Variants in PTPRS observed in about 807,000 individuals in gnomAD.
PTPRS encodes the protein receptor-type tyrosine-protein phosphatase S.
A neutral mutation model predicts 215.3 loss-of-function variants in PTPRS; 63 were observed. The observed-to-expected ratio is 0.29, with a 90% CI of 0.24 to 0.36. PTPRS has a LOEUF of 0.36. Ranked by LOEUF, PTPRS falls within the 10% of genes least tolerant of loss-of-function variation. PTPRS has a pLI of 1.00. For synonymous variants in PTPRS, 1,404 were observed against 1,191.4 expected, an observed-to-expected ratio of 1.18 and a Z score of -3.68; for missense variants, 2,258 against 2,825.8, an observed-to-expected ratio of 0.80 and a Z score of 4.56.
At chr19:5,282,113 G>A (rs1449242150) in intron 2 of PTPRS, among the ~76,000 whole-genome samples, 1 of 151,958 alleles carries the variant, frequency 6.6e-6, no homozygotes, top group African/African-American at 2.4e-5. Context: ...TGGTTCCCTG[G>A]GACCTCAGAC....
chr19:5,273,382 T>G, intron 4 of PTPRS, 60 bp downstream of exon 4: 1 of 1,611,156 alleles, frequency 6.2e-7, no homozygotes, highest in South Asian at 1.1e-5. Context: ...ATTCCTTTTG[T>G]GCTTGTCCCC....
At chr19:5,232,011 AG>A (rs1207348480) in intron 13 of PTPRS, among the ~76,000 whole-genome samples, 2 of 152,228 alleles carry the variant, frequency 1.3e-5, no homozygotes, top group African/African-American at 4.8e-5. Flanking sequence ...TAGCAACAGG[AG>A]CTCCATTTAT....
intron 1 of PTPRS, among the ~76,000 whole-genome samples, chr19:5,292,319 C>G (rs373562597): frequency 9.9e-5 from 15 of 152,152 alleles, no homozygotes; most frequent in Non-Finnish European, 1.5e-4. Context: ...GAGACCGAGA[C>G]GGGGACAGCC....
chr19:5,322,599 G>A (rs932504160), intron 1 of PTPRS, among the ~76,000 whole-genome samples: 8 of 152,130 alleles, frequency 5.3e-5, no homozygotes, highest in Non-Finnish European at 8.8e-5. Context: ...GACCTCAGGC[G>A]GCCGGGCGCG....
At chr19:5,249,235 C>T (rs1489460737) in intron 9 of PTPRS, among the ~76,000 whole-genome samples, 1 of 152,136 alleles carries the variant, frequency 6.6e-6, no homozygotes, top group Non-Finnish European at 1.5e-5. Flanking sequence ...TGCCGGAACC[C>T]GGGAGGCAGA....
chr19:5,336,275 G>C (rs771233074), intron 1 of PTPRS, among the ~76,000 whole-genome samples: 1 of 115,716 alleles, frequency 8.6e-6, no homozygotes, highest in Non-Finnish European at 1.8e-5. Flanking sequence ...GGGGGGGGGC[G>C]GGGGGGAAAC....
In PTPRS at chr19:5,221,035, C is replaced by A. The variant is rs1310920254; in HGVS notation, c.3420G>T (p.Val1140=). Residue 1140 remains valine (V), a synonymous_variant, in exon 20 of 38, where the codon GTG becomes GTT. Coordinates refer to ENST00000262963, the MANE Select transcript of PTPRS (RefSeq NM_002850.4). The part of the protein sequence containing the change: ...PKPDADGFIM[V]YLPDGQSPVP... ...CGGGGCTCTGGCCGTCAGGAAGATA[C>A]ACCATGATGAAGCCGTCAGCATCAG... is the stretch of plus-strand genomic sequence containing the variant. The A allele has an allele frequency of 6.2e-7, 1 of 1,613,330 alleles. No individual in the cohort carries two copies. Among genetic ancestry groups the A allele is most frequent in the South Asian group, 1.1e-5 (1 of 91,036 alleles).
chr19:5,240,442 A>G, intron 11 of PTPRS, 110 bp from the exon 12 acceptor site: 2 of 1,164,498 alleles, frequency 1.7e-6, no homozygotes, highest in South Asian at 3.9e-5. Flanking sequence ...GTGCTTCTAG[A>G]ATGTTCTTTT....
At chr19:5,322,818 G>T (rs1224368380) in intron 1 of PTPRS, among the ~76,000 whole-genome samples, 1 of 143,198 alleles carries the variant, frequency 7.0e-6, no homozygotes, top group Non-Finnish European at 1.5e-5. Context: ...GGTGGAGGTT[G>T]CAGTGAGCCA....
In PTPRS at chr19:5,208,249, G is replaced by A; in HGVS notation, c.5630C>T (p.Ser1877Phe). The change falls in exon 36 of 38, where the codon TCT becomes TTT. Residue 1877 changes from serine to phenylalanine, a missense_variant. Physicochemically the swap from Ser to Phe is radical, Grantham distance 155 (BLOSUM62 -2). Around this residue, in one of 6 missense-constraint regions of PTPRS, gnomAD observed 89 missense variants for 104.0 expected, o/e 0.86. Coordinates refer to ENST00000262963, the MANE Select transcript of PTPRS (RefSeq NM_002850.4). The part of the protein sequence containing the change: ...KEQFGQDGPI[S>F]VHCSAGVGRT... ...CGAGGGAGCTCACCTGCAGTGGACAGAGATGGGGCCGTCCTGGCCAAACTG... is the reference window on the plus strand; with the variant it reads ...CGAGGGAGCTCACCTGCAGTGGACAAAGATGGGGCCGTCCTGGCCAAACTG... 1 of 1,604,890 alleles carries A rather than the reference G, an allele frequency of 6.2e-7. No homozygotes were observed. The highest frequency in any genetic ancestry group is 8.5e-7 in the Non-Finnish European group (1 of 1,175,342).
intron 14 of PTPRS, among the ~76,000 whole-genome samples, chr19:5,230,199 G>A (rs2042901239): frequency 6.6e-6 from 1 of 152,206 alleles, no homozygotes; most frequent in South Asian, 2.1e-4. Flanking sequence ...GCATAAAGAA[G>A]AGCTGCTTCA....
chr19:5,309,500 T>G lies in PTPRS; in HGVS notation c.-94-23266A>C, dbSNP rs1272106432. Among the ~76,000 whole-genome samples, 5 of 152,260 alleles carry G rather than the reference T, an allele frequency of 3.3e-5. No individual in the cohort carries two copies. In the East Asian group the frequency reaches 5.8e-4, roughly 18 times the overall value. ...GAGCCAATGGCTTGCTTGTAGCACC[T>G]GAAAACCCGCTATGGGCTAAGTCAG... is the stretch of plus-strand genomic sequence containing the variant. On this transcript the variant is annotated intron_variant, in intron 1 of 37. Coordinates refer to ENST00000262963, the MANE Select transcript of PTPRS (RefSeq NM_002850.4).
chr19:5,319,846 A>C (rs961531147), intron 1 of PTPRS, among the ~76,000 whole-genome samples: 1 of 151,942 alleles, frequency 6.6e-6, no homozygotes, highest in African/African-American at 2.4e-5. Context: ...CCGTCCCTAC[A>C]GCCCCATTAA....
intron 12 of PTPRS, 46 bp downstream of exon 12, chr19:5,240,153 C>T (rs777097615): frequency 1.4e-5 from 20 of 1,461,628 alleles, no homozygotes; most frequent in East Asian, 1.1e-4. Context: ...CAGAGAGCGC[C>T]GGGGAGGAGC....
intron 1 of PTPRS, among the ~76,000 whole-genome samples, chr19:5,329,498 G>T (rs948484215): frequency 2.0e-5 from 3 of 152,210 alleles, no homozygotes; most frequent in African/African-American, 7.2e-5. Context: ...GGGCACAGTG[G>T]CTCACGCCTG....
chr19:5,306,272 G>A (rs2049490452), intron 1 of PTPRS, among the ~76,000 whole-genome samples: 3 of 151,670 alleles, frequency 2.0e-5, no homozygotes, highest in African/African-American at 7.3e-5. Flanking sequence ...AGCCTCCCGA[G>A]TAGCTGGGAT....
intron 1 of PTPRS, among the ~76,000 whole-genome samples, chr19:5,327,389 A>G (rs1236409849): frequency 6.6e-6 from 1 of 152,016 alleles, no homozygotes; most frequent in African/African-American, 2.4e-5. Flanking sequence ...CCTCACCCCC[A>G]TTTTGCAGAC....
intron 14 of PTPRS, among the ~76,000 whole-genome samples, chr19:5,230,534 T>C (rs779638188): frequency 8.5e-5 from 13 of 152,188 alleles, no homozygotes; most frequent in East Asian, 1.9e-4. Context: ...TCACAGCTCA[T>C]TGCAGCCTCA....
rs1435240429 is a variant in PTPRS, at chr19:5,257,089, G to T, written c.706+928C>A. Among the ~76,000 whole-genome samples, 1 of 150,786 alleles carries T rather than the reference G, an allele frequency of 6.6e-6. No homozygotes were observed. Among genetic ancestry groups the T allele is most frequent in the Non-Finnish European group, 1.5e-5 (1 of 67,736 alleles). ...CAGAAACAGCGACTAGGAGGTGAAA[G>T]GGAGGAGGAGGAGGAAGACTACAAC... On this transcript the variant is annotated intron_variant, in intron 8 of 37. Coordinates refer to ENST00000262963, the MANE Select transcript of PTPRS (RefSeq NM_002850.4). This position sits in a 1 kb window ranked among gnomAD's most constrained non-coding sequence, Gnocchi z 4.4.
Sources: allele counts gnomAD v4.1 joint callset (sites outside exome capture counted in the v4.1 genomes callset), GRCh38; gene constraint gnomAD v4.1.1; regional missense constraint gnomAD v4.1.1; non-coding constraint Gnocchi (gnomAD v3.1); transcripts MANE v1.5; gene names NCBI Gene and HGNC (gene_info 2026-07-23, HGNC 2026-07-21).